Variants in SPP1 observed in about 807,000 individuals in gnomAD.
The protein encoded by SPP1 is secreted phosphoprotein 1, also known as osteopontin.
In SPP1, 18 loss-of-function variants were observed where a neutral mutation model predicts 20.8. That is an observed-to-expected ratio of 0.87 (90% CI 0.60 to 1.29). The LOEUF is 1.29. Among genes scored for constraint, SPP1 ranks in the 50% most tolerant of loss-of-function variants. The pLI is 0.00. For missense variants in SPP1, 363 were observed against 389.0 expected (o/e 0.93, Z 0.56); for synonymous variants, 146 against 141.5 (o/e 1.03, Z -0.23).
intron 3 of SPP1, among the ~76,000 whole-genome samples, chr4:87,978,497 C>G (rs1017286656): frequency 2.0e-5 from 3 of 151,016 alleles, no homozygotes; most frequent in South Asian, 2.1e-4. Context: ...CCAGGTTCAC[C>G]CCATTCTCCT....
In SPP1 at chr4:87,978,463, T is replaced by C. The variant is rs528460180; in HGVS notation, c.93+1366T>C. 2.7e-4 allele frequency among the ~76,000 whole-genome samples: 39 copies of C among 143,510 alleles called. No individual in the cohort carries two copies. The South Asian group carries it at 8.4e-3, about 31-fold the overall frequency. 94.1% of individuals were successfully genotyped at this position (143,510 alleles called of 152,430 possible). A position where few individuals can be genotyped will look rare whatever the true frequency, so the allele number is the denominator to read the frequency against. ...CAGGCTGGAGTGCAGTGGTGTGATC[T>C]CGGCTCACTGCAAGCTCCGCCTCCC... On this transcript the variant is annotated intron_variant, in intron 3 of 6. Coordinates refer to ENST00000395080, the MANE Select transcript of SPP1 (RefSeq NM_001040058.2).
rs555240668 is a variant in SPP1 at position 87,979,208 on chromosome 4, A to G, written c.94-838A>G. 2.5e-3 allele frequency among the ~76,000 whole-genome samples: 326 copies of G among 132,204 alleles called. 2 individuals carry two copies. The highest frequency in any genetic ancestry group is 9.4e-3 in the African/African-American group (319 of 34,098). The allele number at this position is 132,204 out of a possible 152,430, so 86.7% of individuals were successfully genotyped here. ...GAGATGGAGTCTTGCTCTGTCACCC[A>G]GGCTGGAGTGCAGTGGCGCAATCTT... On this transcript the variant is annotated intron_variant, in intron 3 of 6. Transcript: ENST00000395080.
At position 87,981,945 on chromosome 4, in the gene SPP1, CAA is replaced by C. The variant is rs1270211749; in HGVS notation, c.540+149_540+150del. On this transcript the variant is annotated intron_variant, in intron 6 of 6. Coordinates refer to ENST00000395080, the MANE Select transcript of SPP1 (RefSeq NM_001040058.2). ...TATTCTACTTTATGACCATTGAATA[CAA>C]ATCTTTTTCTGCTTGGCGGTTTTTG... 10 of 746,154 alleles carry C rather than the reference CAA, an allele frequency of 1.3e-5. No homozygotes were observed. The African/African-American group carries it at 1.8e-4, about 13-fold the overall frequency. The allele number at this position is 746,154 out of a possible 1,614,324, so 46.2% of individuals were successfully genotyped here.
intron 3 of SPP1, among the ~76,000 whole-genome samples, chr4:87,978,429 T>A (rs1166708107): frequency 1.5e-5 from 2 of 131,432 alleles, no homozygotes. Context: ...GGAGTCTCGC[T>A]CCGTCGCCCA....
Position 87,981,518 on chromosome 4 carries a change from A to T in SPP1, c.260A>T (p.Asp87Val), listed in dbSNP as rs1236629316. The change falls in exon 6 of 7, where the codon GAT (aspartate) becomes GTT (valine). Residue 87 changes from aspartate (D) to valine (V), a missense_variant. Physicochemically the swap from Asp to Val is radical, Grantham distance 152. Transcript: ENST00000395080. ...KSNESHDHMD[D>V]MDDEDDDDHV... ...AACGAAAGCCATGACCACATGGATG[A>T]TATGGATGATGAAGATGATGATGAC... 6.2e-7 allele frequency: 1 copy of T among 1,614,030 alleles called. No homozygotes were observed. Among genetic ancestry groups the T allele is most frequent in the Non-Finnish European group, 8.5e-7 (1 of 1,180,034 alleles).
At chr4:87,980,346 A>G in intron 4 of SPP1, 47 bp from the exon 5 acceptor site, 1 of 1,604,896 alleles carries the variant, frequency 6.2e-7, no homozygotes, top group East Asian at 2.2e-5. Flanking sequence ...TGAATAAAAA[A>G]GCTAGGCATG....
chr4:87,980,008 C>A (rs761507865), intron 3 of SPP1, 38 bp from the exon 4 acceptor site: 1 of 1,600,352 alleles, frequency 6.2e-7, no homozygotes, highest in Admixed American at 1.7e-5. Flanking sequence ...CCCTACATTT[C>A]TTTTTTTAAT....
At chr4:87,978,664 G>A (rs1725512096) in intron 3 of SPP1, among the ~76,000 whole-genome samples, 1 of 152,128 alleles carries the variant, frequency 6.6e-6, no homozygotes, top group South Asian at 2.1e-4. Context: ...TTACAGGCGT[G>A]AGCCACTGCG....
At chr4:87,979,226 G>A (rs998322744) in intron 3 of SPP1, among the ~76,000 whole-genome samples, 4 of 142,648 alleles carry the variant, frequency 2.8e-5, no homozygotes, top group Admixed American at 7.4e-5. Flanking sequence ...GTGCAGTGGC[G>A]CAATCTTGGC....
Position 87,980,081 on chromosome 4 carries a change from GCTAAACCCTGA to G in SPP1, c.131_141del (p.Leu44ProfsTer17), listed in dbSNP as rs1725582237. On this transcript the variant is annotated frameshift_variant, in exon 4 of 7. Coordinates refer to ENST00000395080, the MANE Select transcript of SPP1 (RefSeq NM_001040058.2). LOFTEE classifies it high-confidence loss of function. ...AATACCCAGATGCTGTGGCCACATG[GCTAAACCCTGA>G]CCCATCTCAGAAGCAGAATCTCCTA... The G allele has an allele frequency of 6.2e-7, 1 of 1,614,088 alleles. No homozygotes were observed.
At position 87,981,529 on chromosome 4, in the gene SPP1, G is replaced by A; in HGVS notation, c.271G>A (p.Glu91Lys). ...SHDHMDDMDD[E>K]DDDDHVDSQD... is the part of the protein sequence containing the mutation. The stretch of plus-strand genomic sequence containing the variant: ...TGACCACATGGATGATATGGATGAT[G>A]AAGATGATGATGACCATGTGGACAG... The change falls in exon 6 of 7, where the codon GAA becomes AAA. Residue 91 changes from glutamate (E) to lysine (K), a missense_variant. Glu to Lys is a moderately conservative substitution (Grantham distance 56). Transcript: ENST00000395080. 1 of 1,613,930 alleles carries A rather than the reference G, an allele frequency of 6.2e-7. No homozygotes were observed. The highest frequency in any genetic ancestry group is 1.7e-5 in the Admixed American group (1 of 60,016).
At position 87,981,817 on chromosome 4, in the gene SPP1, A is replaced by G. The variant is rs1397853624; in HGVS notation, c.540+19A>G. ...CATCCAGGTAAATCCTTTAACAGAC[A>G]CACCTGATGGTTCTGACTAGCGCTC... On this transcript the variant is annotated intron_variant, in intron 6 of 6. Transcript: ENST00000395080. 5.0e-6 allele frequency: 8 copies of G among 1,606,794 alleles called. No individual in the cohort carries two copies. Among genetic ancestry groups the G allele is most frequent in the Non-Finnish European group, 5.1e-6 (6 of 1,175,222 alleles).
At chr4:87,982,020 A>G (rs1414103266) in intron 6 of SPP1, among the ~76,000 whole-genome samples, 1 of 152,124 alleles carries the variant, frequency 6.6e-6, no homozygotes, top group Non-Finnish European at 1.5e-5. Context: ...ACACAATTCT[A>G]CTTTTTGAAA....
chr4:87,977,714 A>G, intron 3 of SPP1: 11 of 1,275,888 alleles, frequency 8.6e-6, no homozygotes, highest in Non-Finnish European at 1.1e-5. Context: ...CCAGCCAAAC[A>G]ACAAATGGGC....
chr4:87,980,534 C>T (rs1320895238), intron 5 of SPP1, 100 bp downstream of exon 5: 2 of 1,308,702 alleles, frequency 1.5e-6, no homozygotes, highest in Admixed American at 4.6e-5. Flanking sequence ...AGCAAGTTTT[C>T]CAGCTAATTG....
At chr4:87,979,797 A>C (rs1725571494) in intron 3 of SPP1, among the ~76,000 whole-genome samples, 1 of 152,110 alleles carries the variant, frequency 6.6e-6, no homozygotes, top group Non-Finnish European at 1.5e-5. Context: ...AATGATACCT[A>C]TCTCATAGGG....
In SPP1 at chr4:87,981,475, A is replaced by T. The variant is rs200088575; in HGVS notation, c.217A>T (p.Thr73Ser). 6.2e-7 allele frequency: 1 copy of T among 1,612,304 alleles called. No homozygotes were observed. Among genetic ancestry groups the T allele is most frequent in the Non-Finnish European group, 8.5e-7 (1 of 1,178,864 alleles). Residue 73 changes from threonine (T) to serine (S), a missense_variant and splice_region_variant, in exon 6 of 7, where the codon ACC (threonine) becomes TCC (serine). Transcript: ENST00000395080. ...TTTTCCCGGCCATCTTAATTTTCAG[A>T]CCCTTCCAAGTAAGTCCAACGAAAG... ...SEETNDFKQE[T>S]LPSKSNESHD... is the part of the protein sequence containing the mutation.
chr4:87,980,108 G>T lies in SPP1; in HGVS notation c.156G>T (p.Gln52His), dbSNP rs1460712381. Residue 52 changes from glutamine to histidine, a missense_variant, in exon 4 of 7, where the codon CAG becomes CAT. Physicochemically the swap from Gln to His is conservative, Grantham distance 24 (BLOSUM62 0). Coordinates refer to ENST00000395080, the MANE Select transcript of SPP1 (RefSeq NM_001040058.2). ...TWLNPDPSQKQNLLAPQNAVS... is the reference protein window; with the variant it reads ...TWLNPDPSQKHNLLAPQNAVS... ...TAAACCCTGACCCATCTCAGAAGCA[G>T]AATCTCCTAGCCCCACAGGTATTTT... is the stretch of plus-strand genomic sequence containing the variant. The T allele has an allele frequency of 6.2e-7, 1 of 1,614,014 alleles. No homozygotes were observed. Among genetic ancestry groups the T allele is most frequent in the Non-Finnish European group, 8.5e-7 (1 of 1,180,022 alleles).
In SPP1 at chr4:87,982,864, G is replaced by A. The variant is rs534131423; in HGVS notation, c.913G>A (p.Glu305Lys). Residue 305 changes from glutamate (E) to lysine (K), a missense_variant, in exon 7 of 7, where the codon GAA (glutamate) becomes AAA (lysine). Transcript: ENST00000395080. ...DKHLKFRISH[E>K]LDSASSEVN ...ACACCTGAAATTTCGTATTTCTCAT[G>A]AATTAGATAGTGCATCTTCTGAGGT... 6.2e-7 allele frequency: 1 copy of A among 1,613,710 alleles called. No individual in the cohort carries two copies. Among genetic ancestry groups the A allele is most frequent in the South Asian group, 1.1e-5 (1 of 91,016 alleles).
Sources: allele counts gnomAD v4.1 joint callset (sites outside exome capture counted in the v4.1 genomes callset), GRCh38; gene constraint gnomAD v4.1.1; transcripts MANE v1.5; gene names NCBI Gene and HGNC (gene_info 2026-07-23, HGNC 2026-07-21).